Variants in TOP6BL observed in about 807,000 individuals in gnomAD.
The protein encoded by TOP6BL is TOP6B like initiator of meiotic double strand breaks, also known as type 2 DNA topoisomerase 6 subunit B-like.
the TOP6BL span, chr11:66,800,977 A>G: frequency 6.3e-7 from 1 of 1,584,808 alleles, no homozygotes. Context: ...TATGTCAAAC[A>G]GAGATTGATT....
the TOP6BL span, among the ~76,000 whole-genome samples, chr11:66,750,694 T>G: frequency 6.6e-5 from 10 of 151,856 alleles, no homozygotes; most frequent in African/African-American, 1.5e-4. Context: ...CATGTTTGTG[T>G]TGTTGTATCT....
chr11:66,805,380 G>A, the TOP6BL span, among the ~76,000 whole-genome samples: 1 of 152,158 alleles, frequency 6.6e-6, no homozygotes, highest in East Asian at 1.9e-4. Context: ...TAGGGGCAGG[G>A]AATGTCTAAG....
chr11:66,842,839 T>C, the TOP6BL span: 1 of 1,552,036 alleles, frequency 6.4e-7, no homozygotes, highest in Admixed American at 2.0e-5. Flanking sequence ...GAGGCTTGTT[T>C]TTCTCCTAGA....
At chr11:66,841,110 ATTTTT>A in the TOP6BL span, among the ~76,000 whole-genome samples, 1 of 84,624 alleles carries the variant, frequency 1.2e-5, no homozygotes, top group Non-Finnish European at 2.2e-5. Context: ...GAGGCCTCTC[ATTTTT>A]TTTTTTTTTT....
the TOP6BL span, chr11:66,758,302 C>CTTTTTTTTTTCTTTTTTTTTTTT: frequency 1.5e-5 from 1 of 67,320 alleles, no homozygotes; most frequent in African/African-American, 7.1e-5. Context: ...TTTTCTTTTT[C>CTTTTTTTTTTCTTTTTTTTTTTT]TTTTTTTTTT....
chr11:66,837,643 C>T, the TOP6BL span, among the ~76,000 whole-genome samples: 1 of 151,416 alleles, frequency 6.6e-6, no homozygotes, highest in Non-Finnish European at 1.5e-5. Context: ...CGGAGTTTCA[C>T]CATGTTGGCC....
the TOP6BL span, chr11:66,813,900 A>G: frequency 1.2e-6 from 2 of 1,613,962 alleles, no homozygotes; most frequent in South Asian, 1.1e-5. Context: ...TGCCTCTGAT[A>G]TTGTCAACTT....
chr11:66,815,930 G>A, the TOP6BL span: 1 of 919,748 alleles, frequency 1.1e-6, no homozygotes, highest in East Asian at 2.7e-5. Flanking sequence ...AGGGTAAATG[G>A]GTGTTCAGAT....
the TOP6BL span, chr11:66,828,215 C>G: frequency 2.3e-6 from 3 of 1,327,454 alleles, no homozygotes; most frequent in African/African-American, 2.9e-5. Flanking sequence ...AACTTTCCCC[C>G]TTGGTTTCCA....
the TOP6BL span, among the ~76,000 whole-genome samples, chr11:66,815,346 A>G: frequency 6.6e-6 from 1 of 152,250 alleles, no homozygotes; most frequent in Non-Finnish European, 1.5e-5. Context: ...GGACAGAACC[A>G]GGATCCACAT....
chr11:66,809,084 A>G, the TOP6BL span, among the ~76,000 whole-genome samples: 1 of 152,176 alleles, frequency 6.6e-6, no homozygotes, highest in Non-Finnish European at 1.5e-5. Flanking sequence ...AGCTGGGACT[A>G]CAGGCACCCG....
the TOP6BL span, among the ~76,000 whole-genome samples, chr11:66,817,239 G>A: frequency 1.3e-5 from 2 of 152,162 alleles, no homozygotes; most frequent in Non-Finnish European, 2.9e-5. Flanking sequence ...TCATCATCAT[G>A]CTGCCTTTCC....
the TOP6BL span, chr11:66,761,624 G>A: frequency 1.1e-5 from 13 of 1,206,998 alleles, no homozygotes; most frequent in East Asian, 3.1e-5. Flanking sequence ...AGTAATGTAC[G>A]CCTGGTGCTC....
the TOP6BL span, among the ~76,000 whole-genome samples, chr11:66,832,888 C>G: frequency 1.3e-5 from 2 of 152,130 alleles, no homozygotes; most frequent in South Asian, 4.1e-4. Flanking sequence ...CAGGGCCACA[C>G]TCCTTCCAAA....
chr11:66,755,663 A>G, the TOP6BL span, among the ~76,000 whole-genome samples: 2 of 152,194 alleles, frequency 1.3e-5, no homozygotes, highest in African/African-American at 4.8e-5. Context: ...ATGGCTTGAA[A>G]CAAAATATAT....
the TOP6BL span, among the ~76,000 whole-genome samples, chr11:66,768,452 T>C: frequency 3.3e-5 from 5 of 152,106 alleles, no homozygotes; most frequent in African/African-American, 1.2e-4. Flanking sequence ...GTTTCAGAGA[T>C]GAGAAAACTG....
At chr11:66,793,436 CTTTTTTTG>C in the TOP6BL span, among the ~76,000 whole-genome samples, 2 of 121,166 alleles carry the variant, frequency 1.7e-5, no homozygotes, top group Admixed American at 8.4e-5. Flanking sequence ...ATAATTTTTT[CTTTTTTTG>C]TTTTTTTTTT....
the TOP6BL span, among the ~76,000 whole-genome samples, chr11:66,746,636 C>A: frequency 6.6e-6 from 1 of 152,082 alleles, no homozygotes; most frequent in Non-Finnish European, 1.5e-5. Flanking sequence ...ATCGCTTGAA[C>A]CCAGGGGGCG....
At chr11:66,758,655 CA>C in the TOP6BL span, among the ~76,000 whole-genome samples, 2 of 151,968 alleles carry the variant, frequency 1.3e-5, no homozygotes, top group Non-Finnish European at 1.5e-5. Context: ...GAAGAAGAGC[CA>C]AAGTTTGAAT....
Sources: allele counts gnomAD v4.1 joint callset (sites outside exome capture counted in the v4.1 genomes callset), GRCh38; gene constraint gnomAD v4.1.1; transcripts MANE v1.5; gene names NCBI Gene and HGNC (gene_info 2026-07-23, HGNC 2026-07-21).